The following CDYL variants were observed in gnomAD, a reference collection of about 807,000 sequenced individuals.
The protein encoded by CDYL is chromodomain Y like, also known as chromodomain Y-like protein.
A neutral mutation model predicts 47.3 loss-of-function variants in CDYL; 8 were observed. That is an observed-to-expected ratio of 0.17 (90% CI 0.10 to 0.31). The LOEUF (loss-of-function observed/expected upper bound fraction) is 0.31. Ranked by LOEUF, CDYL falls within the 10% of genes least tolerant of loss-of-function variation. The pLI, the probability that CDYL is intolerant of heterozygous loss-of-function variation, is 1.00. For missense variants in CDYL, 471 were observed against 701.4 expected (o/e 0.67, Z 3.71); for synonymous variants, 266 against 265.0 (o/e 1.00, Z -0.04).
intron 1 of CDYL, among the ~76,000 whole-genome samples, chr6:4,836,840 A>G (rs1473445045): frequency 3.9e-5 from 6 of 152,204 alleles, no homozygotes; most frequent in Non-Finnish European, 7.3e-5. Flanking sequence ...AGATGGTCCT[A>G]TCACTTGTAG....
At chr6:4,938,049 T>C (rs1220522847) in intron 4 of CDYL, among the ~76,000 whole-genome samples, 3 of 152,238 alleles carry the variant, frequency 2.0e-5, no homozygotes, top group African/African-American at 7.2e-5. Context: ...GAGTAGATGA[T>C]CATGGGTAGC....
Position 4,945,333 on chromosome 6 carries a change from C to T in CDYL, c.1332+1577C>T, listed in dbSNP as rs141813706. 3.2e-3 allele frequency among the ~76,000 whole-genome samples: 494 copies of T among 152,260 alleles called. 3 individuals are homozygous for T. Among genetic ancestry groups the T allele is most frequent in the African/African-American group, 0.011 (463 of 41,546 alleles). On this transcript the variant is annotated intron_variant, in intron 5 of 6. Transcript: ENST00000397588. ...ATCTAAACGTACTTGAAAACCAGAA[C>T]GTTTAAAATAAAGGAATACAAGAGA...
At chr6:4,860,105 G>A (rs1761121145) in intron 1 of CDYL, among the ~76,000 whole-genome samples, 1 of 151,884 alleles carries the variant, frequency 6.6e-6, no homozygotes, top group South Asian at 2.1e-4. Flanking sequence ...GTTTCACCGT[G>A]TTAGCCAGGA....
chr6:4,725,130 G>T (rs1347053474), intron 2 of CDYL, among the ~76,000 whole-genome samples: 2 of 152,176 alleles, frequency 1.3e-5, no homozygotes, highest in African/African-American at 4.8e-5. Context: ...CTAGACACAG[G>T]GTTTGTGTCT....
chr6:4,838,960 C>T (rs1053688493), intron 1 of CDYL, among the ~76,000 whole-genome samples: 4 of 152,320 alleles, frequency 2.6e-5, no homozygotes, highest in African/African-American at 9.6e-5. Context: ...CAGGCGTGAG[C>T]CACCACTCCC....
intron 2 of CDYL, among the ~76,000 whole-genome samples, chr6:4,730,447 C>T (rs1344895152): frequency 1.3e-5 from 2 of 151,908 alleles, no homozygotes; most frequent in Admixed American, 6.6e-5. Context: ...GAGGCTGAGG[C>T]GAGCAGATCA....
At chr6:4,773,246 C>A, upstream of CDYL, 1 of 456,340 alleles carries the variant, frequency 2.2e-6, no homozygotes. This position sits in a 1 kb window ranked among gnomAD's most constrained non-coding sequence, Gnocchi z 4.6. Context: ...TCTTGTTGAC[C>A]ACTTCTCTAA....
intron 2 of CDYL, among the ~76,000 whole-genome samples, chr6:4,717,108 G>A (rs947620624): frequency 5.3e-5 from 8 of 152,098 alleles, no homozygotes; most frequent in African/African-American, 1.2e-4. Flanking sequence ...GGGTGGGTAG[G>A]ATATAAGGGG....
chr6:4,767,807 A>G (rs953806001), intron 3 of CDYL, among the ~76,000 whole-genome samples: 1 of 152,242 alleles, frequency 6.6e-6, no homozygotes, highest in Non-Finnish European at 1.5e-5. Context: ...GGCATGCTGC[A>G]TATGCAGTTG....
chr6:4,935,738 A>G lies in CDYL; in HGVS notation c.915A>G (p.Thr305=). 6.2e-7 allele frequency: 1 copy of G among 1,614,234 alleles called. No homozygotes were observed. Among genetic ancestry groups the G allele is most frequent in the Non-Finnish European group, 8.5e-7 (1 of 1,180,028 alleles). The change falls in exon 3 of 7, where the codon ACA becomes ACG. Residue 305 remains threonine, a synonymous_variant. Coordinates refer to ENST00000397588, the MANE Select transcript of CDYL (RefSeq NM_004824.4). ...GCTTCACCCACATCTTGTTATCCAC[A>G]AAGTCCTCAGAGAATAACTCACTAA... ...QDGFTHILLS[T]KSSENNSLNP...
At chr6:4,844,782 C>T in intron 1 of CDYL, among the ~76,000 whole-genome samples, 1 of 151,916 alleles carries the variant, frequency 6.6e-6, no homozygotes, top group Non-Finnish European at 1.5e-5. Flanking sequence ...TTCAGAGCAA[C>T]TAGTGCTAAA....
intron 1 of CDYL, among the ~76,000 whole-genome samples, chr6:4,886,287 A>G (rs1237602887): frequency 6.6e-6 from 1 of 151,892 alleles, no homozygotes; most frequent in East Asian, 1.9e-4. Flanking sequence ...TCATATGGTA[A>G]CTCTATTCGA....
intron 1 of CDYL, among the ~76,000 whole-genome samples, chr6:4,881,539 A>G (rs923758709): frequency 6.6e-6 from 1 of 152,200 alleles, no homozygotes; most frequent in Admixed American, 6.5e-5. Context: ...CATGATAAAA[A>G]TCTGTTGTAC....
At chr6:4,822,807 A>G (rs1759878145) in intron 1 of CDYL, among the ~76,000 whole-genome samples, 1 of 152,248 alleles carries the variant, frequency 6.6e-6, no homozygotes, top group African/African-American at 2.4e-5. Flanking sequence ...GTAGACAACA[A>G]CAAAACCGTC....
intron 2 of CDYL, among the ~76,000 whole-genome samples, chr6:4,896,169 G>A (rs942687630): frequency 2.6e-5 from 4 of 152,282 alleles, no homozygotes; most frequent in East Asian, 1.9e-4. Context: ...CATCCCCTGC[G>A]GCCTTGATCT....
At chr6:4,746,191 C>A (rs1460376944) in intron 3 of CDYL, among the ~76,000 whole-genome samples, 1 of 151,414 alleles carries the variant, frequency 6.6e-6, no homozygotes, top group African/African-American at 2.4e-5. Context: ...TGGTGAAACC[C>A]CATCTCTACT....
chr6:4,820,672 C>G (rs1022157032), intron 1 of CDYL, among the ~76,000 whole-genome samples: 2 of 152,172 alleles, frequency 1.3e-5, no homozygotes, highest in African/African-American at 4.8e-5. Flanking sequence ...CTTTGAGGAG[C>G]TATATGAAGG....
chr6:4,869,611 A>G (rs1761417777), intron 1 of CDYL, among the ~76,000 whole-genome samples: 2 of 151,988 alleles, frequency 1.3e-5, no homozygotes, highest in Non-Finnish European at 2.9e-5. Flanking sequence ...TAATATTTGA[A>G]TTATTTTCTT....
rs367650690 is a variant in CDYL at position 4,936,258 on chromosome 6, AAC to A, written c.948+493_948+494del. Among the ~76,000 whole-genome samples, 422 of 152,336 alleles carry A rather than the reference AAC, an allele frequency of 2.8e-3. 2 individuals are homozygous for A. The highest frequency in any genetic ancestry group is 7.5e-3 in the African/African-American group (311 of 41,560). ...AGATACTCCTCAGCGGTTGTAGCAG[AAC>A]ACACAGCAACAGGGATTTCCACACA... On this transcript the variant is annotated intron_variant, in intron 3 of 6. Transcript: ENST00000397588.
Sources: allele counts gnomAD v4.1 joint callset (sites outside exome capture counted in the v4.1 genomes callset), GRCh38; gene constraint gnomAD v4.1.1; non-coding constraint Gnocchi (gnomAD v3.1); transcripts MANE v1.5; gene names NCBI Gene and HGNC (gene_info 2026-07-23, HGNC 2026-07-21).